Variants in TEAD4 observed in about 807,000 individuals in gnomAD.
The protein encoded by TEAD4 is TEA domain transcription factor 4.
Under a neutral mutation model 52.4 loss-of-function variants are expected in TEAD4, and 36 were observed. That is an observed-to-expected ratio of 0.69 (90% confidence interval 0.53 to 0.91). TEAD4 has a LOEUF of 0.91. Ranked by LOEUF, TEAD4 falls within the 40% of genes least tolerant of loss-of-function variation. The probability of loss-of-function intolerance (pLI) is 0.00; values close to 1 mark genes in which losing one functional copy is unlikely to be tolerated. For synonymous variants in TEAD4, 220 were observed against 231.0 expected (o/e 0.95, Z 0.43); for missense variants, 508 against 583.9 (o/e 0.87, Z 1.34).
chr12:3,019,198 C>T lies in TEAD4; in HGVS notation c.583+28C>T. On this transcript the variant is annotated intron_variant, in intron 8 of 12. Coordinates refer to ENST00000359864, the MANE Select transcript of TEAD4 (RefSeq NM_003213.4). ...GGGTGGGCGCTGCGTGGCCCCCTTT[C>T]TATCGCAGCCATGTGGCTCCTGCCT... The T allele has an allele frequency of 1.9e-6, 3 of 1,612,436 alleles. No individual in the cohort carries two copies. In the South Asian group the frequency reaches 3.3e-5, roughly 18 times the overall value.
intron 2 of TEAD4, among the ~76,000 whole-genome samples, chr12:2,990,767 A>G (rs956736576): frequency 3.3e-5 from 5 of 152,048 alleles, no homozygotes; most frequent in African/African-American, 1.2e-4. Flanking sequence ...CGCCTGGCCC[A>G]GAGAACGCCT....
At chr12:2,980,681 C>A (rs540377464) in intron 2 of TEAD4, among the ~76,000 whole-genome samples, 1 of 151,974 alleles carries the variant, frequency 6.6e-6, no homozygotes, top group Admixed American at 6.6e-5. Context: ...TGCAGTGAGT[C>A]CATATCGCTC....
intron 2 of TEAD4, among the ~76,000 whole-genome samples, chr12:2,970,160 A>T (rs2098223942): frequency 6.6e-6 from 1 of 152,266 alleles, no homozygotes; most frequent in Admixed American, 6.5e-5. Context: ...ATCAATAGTA[A>T]AAAGTATCAA....
intron 2 of TEAD4, among the ~76,000 whole-genome samples, chr12:2,977,085 G>GCTCCTGT (rs111824935): frequency 0.93 from 141,429 of 151,926 alleles, 66,161 homozygotes; most frequent in Middle Eastern, 1. Flanking sequence ...CAGGCTCTGT[G>GCTCCTGT]CTCATGGACA....
At chr12:2,960,420 T>C in intron 2 of TEAD4, 1 of 945,438 alleles carries the variant, frequency 1.1e-6, no homozygotes, top group Non-Finnish European at 1.3e-6. Context: ...CAAAAGGTCC[T>C]ACACCTCAGG....
chr12:2,985,832 T>C (rs2098237966), intron 2 of TEAD4, among the ~76,000 whole-genome samples: 1 of 152,052 alleles, frequency 6.6e-6, no homozygotes, highest in Admixed American at 6.5e-5. Context: ...ACGCCTGTAA[T>C]CCCAGCACTT....
At chr12:3,001,528 T>C (rs2098251699) in intron 3 of TEAD4, among the ~76,000 whole-genome samples, 1 of 152,194 alleles carries the variant, frequency 6.6e-6, no homozygotes. Flanking sequence ...TCCCAGCACT[T>C]TGGGAGGCCG....
intron 10 of TEAD4, among the ~76,000 whole-genome samples, chr12:3,035,679 G>T (rs568076078): frequency 3.1e-4 from 47 of 152,200 alleles, no homozygotes; most frequent in African/African-American, 1.1e-3. Flanking sequence ...AATTAGCCAG[G>T]TGTGGTGGCA....
intron 10 of TEAD4, among the ~76,000 whole-genome samples, chr12:3,024,717 AT>A (rs2098270978): frequency 6.6e-6 from 1 of 152,140 alleles, no homozygotes; most frequent in Admixed American, 6.5e-5. Context: ...TTATGATTAC[AT>A]TTTTACCTCT....
At chr12:2,968,083 C>CTTTTTT (rs34430154) in intron 2 of TEAD4, among the ~76,000 whole-genome samples, 12 of 112,010 alleles carry the variant, frequency 1.1e-4, no homozygotes, top group Non-Finnish European at 1.9e-4. Flanking sequence ...ACATGTGGGT[C>CTTTTTT]TTTTTTTTTT....
chr12:2,993,261 G>C (rs571566623), intron 2 of TEAD4, among the ~76,000 whole-genome samples: 20 of 152,248 alleles, frequency 1.3e-4, no homozygotes, highest in Admixed American at 1.0e-3. Context: ...TCACAACTCT[G>C]TGTCTTTCTC....
chr12:3,003,222 T>A (rs1017378513), intron 3 of TEAD4, among the ~76,000 whole-genome samples: 1 of 152,218 alleles, frequency 6.6e-6, no homozygotes, highest in African/African-American at 2.4e-5. Context: ...GTGGGGAGGC[T>A]TGTGCTCTCA....
At chr12:2,974,277 A>G (rs2098227625) in intron 2 of TEAD4, among the ~76,000 whole-genome samples, 1 of 152,194 alleles carries the variant, frequency 6.6e-6, no homozygotes, top group African/African-American at 2.4e-5. Context: ...TGCTGGGATT[A>G]CAGGCGTAAG....
At chr12:3,031,552 C>A (rs1331530290) in intron 10 of TEAD4, among the ~76,000 whole-genome samples, 1 of 152,142 alleles carries the variant, frequency 6.6e-6, no homozygotes, top group African/African-American at 2.4e-5. Flanking sequence ...ATGGAGTAAG[C>A]AGGGCCTGGC....
rs560724888 is a variant in TEAD4 at position 3,002,091 on chromosome 12, C to T, written c.226+7099C>T. 4.1e-4 allele frequency among the ~76,000 whole-genome samples: 62 copies of T among 152,056 alleles called. 1 individual carries two copies. The highest frequency in any genetic ancestry group is 1.0e-3 in the Admixed American group (16 of 15,288). Reference sequence around the variant, plus strand: ...TGGATGACAGAGTGAGACTCCATCTCAAAAAGAAAAAAATGTAATCATACA... The same window carrying T: ...TGGATGACAGAGTGAGACTCCATCTTAAAAAGAAAAAAATGTAATCATACA... On this transcript the variant is annotated intron_variant, in intron 3 of 12. Coordinates refer to ENST00000359864, the MANE Select transcript of TEAD4 (RefSeq NM_003213.4).
At chr12:3,018,335 T>C (rs1344321081) in intron 6 of TEAD4, among the ~76,000 whole-genome samples, 1 of 152,160 alleles carries the variant, frequency 6.6e-6, no homozygotes, top group African/African-American at 2.4e-5. Flanking sequence ...GCTTTTCCCA[T>C]GGAGCCCCTC....
chr12:2,964,016 A>G (rs549557497), intron 2 of TEAD4, among the ~76,000 whole-genome samples: 1 of 148,256 alleles, frequency 6.7e-6, no homozygotes, highest in Non-Finnish European at 1.5e-5. Context: ...CTCCTGGGGG[A>G]TGGGATTGCA....
At chr12:2,993,833 T>C (rs2098245071) in intron 2 of TEAD4, among the ~76,000 whole-genome samples, 1 of 152,176 alleles carries the variant, frequency 6.6e-6, no homozygotes, top group Non-Finnish European at 1.5e-5. Context: ...TGGGTTGTTT[T>C]GTAACTGGCG....
intron 5 of TEAD4, 191 bp from the exon 6 acceptor site, chr12:3,017,207 A>G (rs938555040): frequency 1.3e-5 from 9 of 714,194 alleles, no homozygotes; most frequent in Middle Eastern, 2.3e-4. Context: ...CAGATGAGAA[A>G]ACTGACCAGA....
Sources: allele counts gnomAD v4.1 joint callset (sites outside exome capture counted in the v4.1 genomes callset), GRCh38; gene constraint gnomAD v4.1.1; transcripts MANE v1.5; gene names NCBI Gene and HGNC (gene_info 2026-07-23, HGNC 2026-07-21).